Variants in PTX4 observed in about 807,000 individuals in gnomAD.
PTX4 encodes pentraxin 4.
Under a neutral mutation model 19.1 loss-of-function variants are expected in PTX4, and 23 were observed. The observed-to-expected ratio is 1.20, with a 90% CI of 0.87 to 1.70. The LOEUF is 1.70. Ranked by LOEUF, PTX4 falls within the 40% of genes most tolerant of loss-of-function variation. The pLI is 0.00. For missense variants in PTX4, 678 were observed against 610.5 expected (o/e 1.11, Z -1.17); for synonymous variants, 317 against 279.6 (o/e 1.13, Z -1.33).
Position 1,486,074 on chromosome 16 carries a change from C to T in PTX4, c.1302G>A (p.Leu434=). 2 of 1,614,206 alleles carry T rather than the reference C, an allele frequency of 1.2e-6. No homozygotes were observed. The highest frequency in any genetic ancestry group is 1.7e-6 in the Non-Finnish European group (2 of 1,180,026). ...CAAGGTTTGCAACTTCCCCGGGAAC[C>T]AGCGCCCGATCCCAGATAGCCAAGC... ...MSGLAIWDRA[L]VPGEVANLAI... Residue 434 remains leucine, a synonymous_variant, in exon 3 of 3, where the codon CTG becomes CTA. Coordinates refer to ENST00000447419, the MANE Select transcript of PTX4 (RefSeq NM_001328608.2).
At chr16:1,486,667 C>T in intron 2 of PTX4, 88 bp from the exon 3 acceptor site, 1 of 1,376,114 alleles carries the variant, frequency 7.3e-7, no homozygotes, top group South Asian at 1.5e-5. Context: ...CCTGGCCTCC[C>T]ACTCCCGGCT....
At position 1,486,117 on chromosome 16, in the gene PTX4, A is replaced by G; in HGVS notation, c.1259T>C (p.Phe420Ser). The change falls in exon 3 of 3, where the codon TTC becomes TCC. Residue 420 changes from phenylalanine (F) to serine (S), a missense_variant. Phe to Ser is a radical substitution (Grantham distance 155, BLOSUM62 -2). Coordinates refer to ENST00000447419, the MANE Select transcript of PTX4 (RefSeq NM_001328608.2). The stretch of plus-strand genomic sequence containing the variant: ...AGCCAAGCCAGACATGCTCCCCACG[A>G]AGGCCTCGGAGCTGTCGAATCCGCC... Reference protein sequence around the residue: ...VGGGFDSSEAFVGSMSGLAIW... With the variant: ...VGGGFDSSEASVGSMSGLAIW... 3.1e-6 allele frequency: 5 copies of G among 1,614,174 alleles called. No homozygotes were observed. Among genetic ancestry groups the G allele is most frequent in the Non-Finnish European group, 3.4e-6 (4 of 1,180,026 alleles).
At position 1,487,623 on chromosome 16, in the gene PTX4, G is replaced by C. The variant is rs538963914; in HGVS notation, c.489C>G (p.Ser163Arg). Residue 163 changes from serine to arginine, a missense_variant, in exon 2 of 3, where the codon AGC becomes AGG. By Grantham distance (110) the Ser-to-Arg change is moderately radical. Transcript: ENST00000447419. ...SLARLEGLVH[S>R]QGARLAALEG... is the part of the protein sequence containing the mutation. ...CCAGAGCAGCCAGCCTGGCGCCCTGGCTGTGGACGAGGCCCTCCAGGCGTG... is the reference window on the plus strand; with the variant it reads ...CCAGAGCAGCCAGCCTGGCGCCCTGCCTGTGGACGAGGCCCTCCAGGCGTG... The C allele has an allele frequency of 1.3e-6, 2 of 1,575,794 alleles. No individual in the cohort carries two copies. The highest frequency in any genetic ancestry group is 2.7e-5 in the African/African-American group (2 of 74,208).
intron 2 of PTX4, 42 bp from the exon 3 acceptor site, chr16:1,486,621 G>A (rs752625684): frequency 2.2e-5 from 34 of 1,511,810 alleles, no homozygotes; most frequent in Middle Eastern, 1.8e-4. Context: ...GCAGGAGGCC[G>A]AGCAGAAGCA....
chr16:1,488,640 G>A lies in PTX4; in HGVS notation c.141+129C>T, dbSNP rs1463081064. 4 of 646,148 alleles carry A rather than the reference G, an allele frequency of 6.2e-6. No individual in the cohort carries two copies. The African/African-American group carries it at 7.3e-5, about 12-fold the overall frequency. 40.0% of individuals were successfully genotyped at this position (646,148 alleles called of 1,614,324 possible). On this transcript the variant is annotated intron_variant, in intron 1 of 2. Coordinates refer to ENST00000447419, the MANE Select transcript of PTX4 (RefSeq NM_001328608.2). ...GCAGGTGAAATAATCTTCATGGATG[G>A]AAAGAGCGTCACACGCGGTGTTCGT...
At position 1,488,329 on chromosome 16, in the gene PTX4, A is replaced by C. The variant is rs180904866; in HGVS notation, c.142-359T>G. 80 of 1,611,210 alleles carry C rather than the reference A, an allele frequency of 5.0e-5. No homozygotes were observed. In the African/African-American group the frequency reaches 8.9e-4, roughly 18 times the overall value. ...GCCTCATGAGTGCTTTACGAGGCCC[A>C]AACAGGAAGCACCCAGCGCAGGCCC... On this transcript the variant is annotated intron_variant, in intron 1 of 2. Transcript: ENST00000447419.
Position 1,486,500 on chromosome 16 carries a change from A to G in PTX4, c.876T>C (p.Thr292=). 2 of 1,608,432 alleles carry G rather than the reference A, an allele frequency of 1.2e-6. No individual in the cohort carries two copies. The highest frequency in any genetic ancestry group is 1.7e-6 in the Non-Finnish European group (2 of 1,177,508). The stretch of plus-strand genomic sequence containing the variant: ...TGCAGAAGGACAGGGCTCGCAGGGC[A>G]GTGACGAAACCAGGGCTGAGGAAGA... The part of the protein sequence containing the change: ...NVVFLSPGFV[T]ALRALSFCSW... The change falls in exon 3 of 3, where the codon ACT becomes ACC. Residue 292 remains threonine, a synonymous_variant. Coordinates refer to ENST00000447419, the MANE Select transcript of PTX4 (RefSeq NM_001328608.2).
chr16:1,487,412 G>C lies in PTX4; in HGVS notation c.700C>G (p.Arg234Gly). 1 of 1,531,374 alleles carries C rather than the reference G, an allele frequency of 6.5e-7. No homozygotes were observed. Among genetic ancestry groups the C allele is most frequent in the South Asian group, 1.3e-5 (1 of 76,580 alleles). 94.9% of individuals were successfully genotyped at this position (1,531,374 alleles called of 1,614,324 possible). ...QDSSAPLQGR[R>G]EPPASGSHRV... Reference sequence around the variant, plus strand: ...TGGCTGCCTGAGGCTGGAGGCTCCCGCCTCCCTTGGAGAGGGGCCGAGGAG... The same window carrying C: ...TGGCTGCCTGAGGCTGGAGGCTCCCCCCTCCCTTGGAGAGGGGCCGAGGAG... Residue 234 changes from arginine to glycine, a missense_variant, in exon 2 of 3, where the codon CGG becomes GGG. Physicochemically the swap from Arg to Gly is moderately radical, Grantham distance 125 (BLOSUM62 -2). Coordinates refer to ENST00000447419, the MANE Select transcript of PTX4 (RefSeq NM_001328608.2).
At position 1,486,008 on chromosome 16, in the gene PTX4, C is replaced by T. The variant is rs148829711; in HGVS notation, c.1368G>A (p.Leu456=). ...ATCCGCCTGCTAGTGCAGCATTGGC[C>T]AGCGTCAGGATGGCACCTGTCGGGA... The part of the protein sequence containing the change: ...KEFPTGAILT[L]ANAALAGGFV... The change falls in exon 3 of 3, where the codon CTG becomes CTA. Residue 456 remains leucine, a synonymous_variant. Transcript: ENST00000447419. The T allele has an allele frequency of 2.5e-6, 4 of 1,613,816 alleles. No homozygotes were observed. The highest frequency in any genetic ancestry group is 2.5e-6 in the Non-Finnish European group (3 of 1,179,998).
intron 1 of PTX4, 28 bp from the exon 2 acceptor site, chr16:1,487,998 G>GAGGGC: frequency 6.5e-7 from 1 of 1,539,230 alleles, no homozygotes; most frequent in Admixed American, 1.9e-5. Context: ...TGATGATGGG[G>GAGGGC]CGGGCCGGGC....
chr16:1,486,319 G>A lies in PTX4; in HGVS notation c.1057C>T (p.Gln353Ter). 1.2e-6 allele frequency: 2 copies of A among 1,613,794 alleles called. No individual in the cohort carries two copies. Among genetic ancestry groups the A allele is most frequent in the Non-Finnish European group, 1.7e-6 (2 of 1,179,994 alleles). ...GDPAFRELPL[Q>*]LLLDGQWHHI... is the part of the protein sequence containing the mutation. Reference sequence around the variant, plus strand: ...TGCCACTGGCCGTCCAGCAGCAGCTGCAAGGGCAGCTCCCTGAAGGCCGGG... The same window carrying A: ...TGCCACTGGCCGTCCAGCAGCAGCTACAAGGGCAGCTCCCTGAAGGCCGGG... The change falls in exon 3 of 3, where the codon CAG (glutamine) becomes TAG (stop). Residue 353 changes from glutamine to a stop codon, truncating the protein, a stop_gained. Coordinates refer to ENST00000447419, the MANE Select transcript of PTX4 (RefSeq NM_001328608.2). LOFTEE classifies it low-confidence loss of function (END_TRUNC).
At chr16:1,486,878 G>C (rs2142423658) in intron 2 of PTX4, among the ~76,000 whole-genome samples, 1 of 152,322 alleles carries the variant, frequency 6.6e-6, no homozygotes, top group Admixed American at 6.5e-5. Context: ...TCACTGCCAG[G>C]GAGTCTCTGC....
In PTX4 at chr16:1,487,396, G is replaced by A. The variant is rs2039255364; in HGVS notation, c.716C>T (p.Ser239Leu). ...PLQGRREPPASGSHRVLSGTA... is the reference protein window; with the variant it reads ...PLQGRREPPALGSHRVLSGTA... ...CCCACTGAGTACCCGATGGCTGCCT[G>A]AGGCTGGAGGCTCCCGCCTCCCTTG... Residue 239 changes from serine (S) to leucine (L), a missense_variant, in exon 2 of 3, where the codon TCA becomes TTA. Coordinates refer to ENST00000447419, the MANE Select transcript of PTX4 (RefSeq NM_001328608.2). 3.2e-6 allele frequency: 5 copies of A among 1,540,106 alleles called. No individual in the cohort carries two copies. Among genetic ancestry groups the A allele is most frequent in the Non-Finnish European group, 3.5e-6 (4 of 1,149,974 alleles).
intron 2 of PTX4, 64 bp from the exon 3 acceptor site, chr16:1,486,643 A>C (rs1452428879): frequency 1.4e-6 from 2 of 1,479,396 alleles, no homozygotes; most frequent in Non-Finnish European, 1.8e-6. Flanking sequence ...CCAGAAGCAC[A>C]CGTGCTGTGG....
chr16:1,487,617 G>T lies in PTX4; in HGVS notation c.495C>A (p.Gly165=), dbSNP rs771523039. Residue 165 remains glycine, a synonymous_variant, in exon 2 of 3, where the codon GGC becomes GGA. Transcript: ENST00000447419. ...GCCCCTCCAGAGCAGCCAGCCTGGC[G>T]CCCTGGCTGTGGACGAGGCCCTCCA... ...ARLEGLVHSQ[G]ARLAALEGRL... 2.5e-6 allele frequency: 4 copies of T among 1,572,860 alleles called. No homozygotes were observed. Among genetic ancestry groups the T allele is most frequent in the Non-Finnish European group, 3.5e-6 (4 of 1,156,982 alleles).
intron 1 of PTX4, chr16:1,488,372 C>A (rs1232054675): frequency 2.5e-6 from 4 of 1,613,926 alleles, no homozygotes; most frequent in Non-Finnish European, 3.4e-6. Flanking sequence ...CCACAGCACT[C>A]CGGAACTGTC....
At chr16:1,488,232 C>T in intron 1 of PTX4, 1 of 1,491,522 alleles carries the variant, frequency 6.7e-7, no homozygotes, top group Non-Finnish European at 9.2e-7. Context: ...CCACCGCTCA[C>T]CCCATAACCA....
intron 1 of PTX4, chr16:1,488,263 G>A (rs754242481): frequency 2.4e-5 from 37 of 1,561,588 alleles, no homozygotes; most frequent in Non-Finnish European, 2.8e-5. Flanking sequence ...ACTTTCCCTC[G>A]TGATTCCAGC....
Position 1,486,137 on chromosome 16 carries a change from T to C in PTX4, c.1239A>G (p.Gly413=), listed in dbSNP as rs114122805. The change falls in exon 3 of 3, where the codon GGA becomes GGG. Residue 413 remains glycine, a synonymous_variant. Transcript: ENST00000447419. The part of the protein sequence containing the change: ...LGQEQDSVGG[G]FDSSEAFVGS... ...CCACGAAGGCCTCGGAGCTGTCGAA[T>C]CCGCCCCCCACGCTGTCTTGTTCCT... is the stretch of plus-strand genomic sequence containing the variant. 4,860 of 1,614,136 alleles carry C rather than the reference T, an allele frequency of 3.0e-3. 122 individuals are homozygous for C. In the African/African-American group the frequency reaches 0.056, roughly 19 times the overall value.
Sources: allele counts gnomAD v4.1 joint callset (sites outside exome capture counted in the v4.1 genomes callset), GRCh38; gene constraint gnomAD v4.1.1; transcripts MANE v1.5; gene names NCBI Gene and HGNC (gene_info 2026-07-23, HGNC 2026-07-21).